The following SOS2 variants were observed in gnomAD, a reference collection of about 807,000 sequenced individuals.
SOS2 encodes the protein son of sevenless homolog 2.
SOS2 carries 65 observed loss-of-function variants against 148.2 expected under a neutral mutation model. That is an observed-to-expected ratio of 0.44 (90% CI 0.36 to 0.54). The LOEUF (loss-of-function observed/expected upper bound fraction) is 0.54. Among genes scored for constraint, SOS2 ranks in the 20% least tolerant of loss-of-function variants. The pLI is 0.00. For missense variants in SOS2, 1,341 were observed against 1,590.2 expected (o/e 0.84, Z 2.67); for synonymous variants, 539 against 537.1 (o/e 1.00, Z -0.05).
intron 13 of SOS2, among the ~76,000 whole-genome samples, chr14:50,152,469 G>C (rs1004697452): frequency 6.6e-6 from 1 of 152,124 alleles, no homozygotes; most frequent in East Asian, 1.9e-4. Context: ...TTGAAGAAAT[G>C]GCAACCTTGC....
intron 21 of SOS2, among the ~76,000 whole-genome samples, chr14:50,122,479 G>A (rs966308459): frequency 7.6e-6 from 1 of 131,184 alleles, no homozygotes; most frequent in Admixed American, 9.6e-5. Context: ...TTACATCATC[G>A]AGTCACTGAA....
In SOS2 at chr14:50,120,393, GA is replaced by G. The variant is rs749810829; in HGVS notation, c.3380-10del. The G allele has an allele frequency of 9.9e-6, 13 of 1,311,654 alleles. No homozygotes were observed. The highest frequency in any genetic ancestry group is 8.9e-5 in the Admixed American group (5 of 55,896). 81.3% of individuals were successfully genotyped at this position (1,311,654 alleles called of 1,614,324 possible). A position where few individuals can be genotyped will look rare whatever the true frequency, so the allele number is the denominator to read the frequency against. On this transcript the variant is annotated splice_polypyrimidine_tract_variant and intron_variant, in intron 21 of 22. Coordinates refer to ENST00000216373, the MANE Select transcript of SOS2 (RefSeq NM_006939.4). Reference sequence around the variant, plus strand: ...TGAACTAAAGAAAGACTCTGGGGGAGAAAAAGACTAGTTTAACCACAATTCA... The same window carrying G: ...TGAACTAAAGAAAGACTCTGGGGGAGAAAAGACTAGTTTAACCACAATTCA...
chr14:50,156,823 A>G (rs1029788690), intron 12 of SOS2, 176 bp downstream of exon 12: 1 of 340,822 alleles, frequency 2.9e-6, no homozygotes, highest in Non-Finnish European at 5.2e-6. Flanking sequence ...AGCTTCACTG[A>G]GAAAGAACTC....
chr14:50,138,802 AGAATTT>A lies in SOS2; in HGVS notation c.2786-24_2786-19del. The A allele has an allele frequency of 3.9e-6, 3 of 763,338 alleles. No individual in the cohort carries two copies. The highest frequency in any genetic ancestry group is 6.0e-6 in the Non-Finnish European group (3 of 498,848). The allele number at this position is 763,338 out of a possible 1,614,324, so 47.3% of individuals were successfully genotyped here. A position where few individuals can be genotyped will look rare whatever the true frequency, so the allele number is the denominator to read the frequency against. ...ATATATTCCTAGTAAAAAAAAAAAA[AGAATTT>A]AAAGAAAAGTTATTTTAAATTTTGT... On this transcript the variant is annotated intron_variant, in intron 17 of 22. Transcript: ENST00000216373.
intron 14 of SOS2, among the ~76,000 whole-genome samples, chr14:50,146,901 A>C (rs1594971380): frequency 6.6e-6 from 1 of 152,094 alleles, no homozygotes; most frequent in Non-Finnish European, 1.5e-5. Flanking sequence ...GTTTAAAAAA[A>C]GTGCAAAACA....
At chr14:50,173,839 A>G (rs1295328651) in intron 8 of SOS2, among the ~76,000 whole-genome samples, 1 of 152,164 alleles carries the variant, frequency 6.6e-6, no homozygotes, top group Non-Finnish European at 1.5e-5. Flanking sequence ...ATAATATATA[A>G]GCATATATTT....
chr14:50,197,689 CTTT>C (rs35121759), intron 4 of SOS2, among the ~76,000 whole-genome samples: 23 of 125,838 alleles, frequency 1.8e-4, no homozygotes, highest in Non-Finnish European at 2.3e-4. Context: ...GCTTTACCAC[CTTT>C]TTTTTTTTTT....
rs60558925 is a variant in SOS2, at chr14:50,134,537, T to G, written c.2959-298A>C. Among the ~76,000 whole-genome samples, 3,711 of 152,252 alleles carry G rather than the reference T, an allele frequency of 0.024. 147 individuals carry two copies. The highest frequency in any genetic ancestry group is 0.083 in the African/African-American group (3,444 of 41,528). ...GCTCAGCAGTAGCACTACTTATTCC[T>G]TAGGAAACTTTACTCCTACTCATTG... On this transcript the variant is annotated intron_variant, in intron 18 of 22. Transcript: ENST00000216373.
At chr14:50,186,021 T>C (rs1448438442) in intron 5 of SOS2, among the ~76,000 whole-genome samples, 1 of 152,184 alleles carries the variant, frequency 6.6e-6, no homozygotes, top group Non-Finnish European at 1.5e-5. Context: ...AAAATGCTCC[T>C]GGCACATATT....
intron 12 of SOS2, chr14:50,156,226 G>C (rs112469931): frequency 1.3e-5 from 2 of 151,170 alleles, no homozygotes; most frequent in African/African-American, 4.9e-5. Context: ...CTAAGAGAAG[G>C]CGCTTCCAAT....
intron 1 of SOS2, among the ~76,000 whole-genome samples, chr14:50,214,400 G>A (rs1028843769): frequency 6.6e-6 from 1 of 151,654 alleles, no homozygotes; most frequent in East Asian, 1.9e-4. Context: ...ATTAGGTTTT[G>A]GAGAAATAAA....
At chr14:50,155,952 G>A (rs1884801097) in intron 12 of SOS2, 1 of 152,068 alleles carries the variant, frequency 6.6e-6, no homozygotes, top group South Asian at 2.1e-4. Flanking sequence ...CTTATACAAA[G>A]AATGACGTTA....
intron 1 of SOS2, among the ~76,000 whole-genome samples, chr14:50,213,114 A>T (rs1886932406): frequency 6.6e-6 from 1 of 152,218 alleles, no homozygotes; most frequent in Admixed American, 6.5e-5. Flanking sequence ...AGGTCAAAGG[A>T]ATGCCCAGGA....
At chr14:50,225,739 T>A (rs183167270) in intron 1 of SOS2, among the ~76,000 whole-genome samples, 94 of 152,260 alleles carry the variant, frequency 6.2e-4, no homozygotes, top group Non-Finnish European at 1.1e-3. Context: ...CTCTTATTAG[T>A]TTTTGGCTTT....
intron 18 of SOS2, among the ~76,000 whole-genome samples, chr14:50,135,642 C>CTTTTTTTTTT (rs56043962): frequency 4.7e-4 from 39 of 82,574 alleles, no homozygotes; most frequent in African/African-American, 5.3e-4. Flanking sequence ...ATGTGGTTTG[C>CTTTTTTTTTT]TTTTTTTTTT....
intron 2 of SOS2, 143 bp downstream of exon 2, chr14:50,204,141 T>G: frequency 2.0e-6 from 1 of 501,428 alleles, no homozygotes. Context: ...TGCCTTGACA[T>G]TTTTGTCAAA....
chr14:50,186,039 C>A (rs1831937336), intron 5 of SOS2, among the ~76,000 whole-genome samples: 1 of 152,072 alleles, frequency 6.6e-6, no homozygotes, highest in Admixed American at 6.5e-5. Context: ...ATTAGGCCTT[C>A]CAGAAATGCG....
chr14:50,179,502 G>T (rs1047426588), intron 7 of SOS2, among the ~76,000 whole-genome samples: 2 of 151,796 alleles, frequency 1.3e-5, no homozygotes, highest in African/African-American at 2.4e-5. Context: ...CTCCTGGCAT[G>T]CCACAGGTGC....
At chr14:50,134,603 G>C (rs757856323) in intron 18 of SOS2, among the ~76,000 whole-genome samples, 1 of 151,976 alleles carries the variant, frequency 6.6e-6, no homozygotes, top group Non-Finnish European at 1.5e-5. Context: ...AAAGTGTTTA[G>C]AACAAAGCTA....
Sources: gnomAD v4.1 joint callset for allele counts (sites outside exome capture counted in the v4.1 genomes callset) on GRCh38, gnomAD v4.1.1 for gene constraint, MANE v1.5 for transcripts, NCBI Gene and HGNC (gene_info 2026-07-23, HGNC 2026-07-21) for gene names.